The following EGFL7 variants were observed in gnomAD, a reference collection of about 807,000 sequenced individuals.
The protein encoded by EGFL7 is epidermal growth factor-like protein 7.
EGFL7 carries 48 observed loss-of-function variants against 37.1 expected under a neutral mutation model. The observed-to-expected ratio is 1.29, with a 90% CI of 1.03 to 1.65. The LOEUF (loss-of-function observed/expected upper bound fraction) is 1.65, where lower values mean the gene tolerates loss of function less well. Ranked by LOEUF, EGFL7 falls within the 40% of genes most tolerant of loss-of-function variation. The probability of loss-of-function intolerance (pLI) is 0.00; values close to 1 mark genes in which losing one functional copy is unlikely to be tolerated. For synonymous variants in EGFL7, 180 were observed against 156.8 expected (o/e 1.15, Z -1.10); for missense variants, 384 against 378.9 (o/e 1.01, Z -0.11).
intron 9 of EGFL7, 112 bp downstream of exon 9, chr9:136,671,126 G>A: frequency 1.3e-6 from 1 of 794,624 alleles, no homozygotes; most frequent in Non-Finnish European, 2.0e-6. Flanking sequence ...AGGAGGTGAG[G>A]CATCGGGGGG....
At chr9:136,662,641 C>G (rs905461079), upstream of EGFL7, among the ~76,000 whole-genome samples, 1 of 152,212 alleles carries the variant, frequency 6.6e-6, no homozygotes, top group Non-Finnish European at 1.5e-5. Context: ...TCCTCCACCC[C>G]ACACTCTCCC....
intron 4 of EGFL7, 57 bp from the exon 5 acceptor site, chr9:136,668,500 A>G (rs1289827666): frequency 2.5e-6 from 4 of 1,574,160 alleles, no homozygotes; most frequent in Non-Finnish European, 2.6e-6. Context: ...ACATGTTCCC[A>G]TCATTCTTGG....
intron 3 of EGFL7, among the ~76,000 whole-genome samples, chr9:136,665,245 G>T (rs571529926): frequency 2.9e-4 from 44 of 152,360 alleles, no homozygotes; most frequent in African/African-American, 1.0e-3. Context: ...GCAGGCCTGG[G>T]CTCTGCCATG....
At position 136,668,600 on chromosome 9, in the gene EGFL7, G is replaced by T. The variant is rs143961691; in HGVS notation, c.124G>T (p.Glu42Ter). 1.2e-6 allele frequency: 2 copies of T among 1,608,550 alleles called. No individual in the cohort carries two copies. The highest frequency in any genetic ancestry group is 1.7e-6 in the Non-Finnish European group (2 of 1,179,782). Residue 42 changes from glutamate to a stop codon, truncating the protein, a stop_gained, in exon 5 of 11, where the codon GAG becomes TAG. Transcript: ENST00000308874. LOFTEE classifies it high-confidence loss of function. ...AVRAHGDPVSESFVQRVYQPF... is the reference protein window; with the variant it reads ...AVRAHGDPVS ...CCGGGCTCACGGGGACCCTGTCTCC[G>T]AGTCGTTCGTGCAGCGTGTGTACCA...
At position 136,672,506 on chromosome 9, in the gene EGFL7, C is replaced by G. The variant is rs1845987345; in HGVS notation, c.*220C>G. On this transcript the variant is annotated 3_prime_UTR_variant, in exon 11 of 11. Transcript: ENST00000308874. ...CTGTGAATCCACCCCTGGCTACCCC[C>G]ACCCTGGCTACCCCAACGGCATCCC... 1 of 624,356 alleles carries G rather than the reference C, an allele frequency of 1.6e-6. No homozygotes were observed. Among genetic ancestry groups the G allele is most frequent in the Non-Finnish European group, 2.8e-6 (1 of 358,100 alleles). The allele number at this position is 624,356 out of a possible 1,614,324, so 38.7% of individuals were successfully genotyped here. A position where few individuals can be genotyped will look rare whatever the true frequency, so the allele number is the denominator to read the frequency against.
Position 136,666,112 on chromosome 9 carries a change from C to T in EGFL7, c.-43+1327C>T, listed in dbSNP as rs1343777973. On this transcript the variant is annotated intron_variant, in intron 3 of 10. Coordinates refer to ENST00000308874, the MANE Select transcript of EGFL7 (RefSeq NM_016215.5). This position sits in a 1 kb window ranked among gnomAD's most constrained non-coding sequence, Gnocchi z 6.8. Reference sequence around the variant, plus strand: ...GCGGGGAGGGCCGGGGTCGCCGCGGCCCCTCGTCCGACCCGGCGCGACTCA... The same window carrying T: ...GCGGGGAGGGCCGGGGTCGCCGCGGTCCCTCGTCCGACCCGGCGCGACTCA... 6.8e-6 allele frequency among the ~76,000 whole-genome samples: 1 copy of T among 147,768 alleles called. No individual in the cohort carries two copies. Among genetic ancestry groups the T allele is most frequent in the East Asian group, 2.0e-4 (1 of 5,110 alleles).
rs1845984407 is a variant in EGFL7 at position 136,672,458 on chromosome 9, C to CATGGG, written c.*178_*182dup. 1.3e-6 allele frequency: 1 copy of CATGGG among 763,148 alleles called. No individual in the cohort carries two copies. Among genetic ancestry groups the CATGGG allele is most frequent in the South Asian group, 1.7e-5 (1 of 59,968 alleles). 47.3% of individuals were successfully genotyped at this position (763,148 alleles called of 1,614,324 possible). ...CCTCGGGAGGCTCCCCAGACCCTGG[C>CATGGG]ATGGGATGGGCTGGGATCTTCTCTG... On this transcript the variant is annotated 3_prime_UTR_variant, in exon 11 of 11. Coordinates refer to ENST00000308874, the MANE Select transcript of EGFL7 (RefSeq NM_016215.5).
At position 136,669,973 on chromosome 9, in the gene EGFL7, T is replaced by C. The variant is rs369675442; in HGVS notation, c.373T>C (p.Cys125Arg). The C allele has an allele frequency of 2.6e-5, 42 of 1,603,632 alleles. No homozygotes were observed. In the African/African-American group the frequency reaches 5.2e-4, roughly 20 times the overall value. The change falls in exon 7 of 11, where the codon TGC (cysteine) becomes CGC (arginine). Residue 125 changes from cysteine to arginine, a missense_variant. Coordinates refer to ENST00000308874, the MANE Select transcript of EGFL7 (RefSeq NM_016215.5). ...GSCVQPGRCR[C>R]PAGWRGDTCQ... ...CTGTGTCCAGCCTGGCCGCTGCCGC[T>C]GCCCTGCAGGATGGCGGGGTGACAC...
At chr9:136,667,731 C>T (rs1437990448) in intron 3 of EGFL7, among the ~76,000 whole-genome samples, 1 of 152,230 alleles carries the variant, frequency 6.6e-6, no homozygotes, top group Non-Finnish European at 1.5e-5. Context: ...GCTGCTGGCC[C>T]ACCTGCTGGG....
In EGFL7 at chr9:136,671,922, A is replaced by G; in HGVS notation, c.637-4A>G. The G allele has an allele frequency of 6.7e-7, 1 of 1,499,942 alleles. No homozygotes were observed. 92.9% of individuals were successfully genotyped at this position (1,499,942 alleles called of 1,614,324 possible). On this transcript the variant is annotated splice_polypyrimidine_tract_variant and splice_region_variant and intron_variant, in intron 9 of 10. Transcript: ENST00000308874. ...CCAGGGTCACTGCCCTTCTGCACCC[A>G]CAGAAGCTGCAGCTGGTGCTGGCCC...
In EGFL7 at chr9:136,666,632, G is replaced by T. The variant is rs1389467512; in HGVS notation, c.-42-1609G>T. On this transcript the variant is annotated intron_variant, in intron 3 of 10. Transcript: ENST00000308874. The surrounding 1 kb of genome is among the most constrained non-coding windows in gnomAD (Gnocchi z 6.8). The stretch of plus-strand genomic sequence containing the variant: ...GGCGACTCTCAGGAATTGTGGGGGG[G>T]AGCTGTGCCAATATGTGTGGGGGGC... Among the ~76,000 whole-genome samples the T allele has an allele frequency of 6.6e-6, 1 of 151,910 alleles. No individual in the cohort carries two copies. The highest frequency in any genetic ancestry group is 1.5e-5 in the Non-Finnish European group (1 of 67,952).
intron 3 of EGFL7, among the ~76,000 whole-genome samples, chr9:136,665,415 C>G (rs1845394810): frequency 1.3e-5 from 2 of 152,226 alleles, no homozygotes; most frequent in Non-Finnish European, 2.9e-5. Context: ...TGGTTTTCAG[C>G]CTGGGGGGCT....
chr9:136,665,525 C>A (rs577701171), intron 3 of EGFL7, among the ~76,000 whole-genome samples: 1 of 152,282 alleles, frequency 6.6e-6, no homozygotes, highest in Non-Finnish European at 1.5e-5. Context: ...CCCCAGCGAC[C>A]GCGCAGCGAG....
At chr9:136,668,430 C>A (rs576625439) in intron 4 of EGFL7, 68 bp downstream of exon 4, 6 of 1,510,522 alleles carry the variant, frequency 4.0e-6, no homozygotes, top group Admixed American at 1.9e-5. Flanking sequence ...CTCCTAGAGG[C>A]GGCCCTCAGC....
chr9:136,661,220 G>T (rs1845125518), upstream of EGFL7, among the ~76,000 whole-genome samples: 1 of 152,178 alleles, frequency 6.6e-6, no homozygotes. Flanking sequence ...TGTCCTCCTG[G>T]CACTGGACTC....
At chr9:136,665,469 C>T (rs998692698) in intron 3 of EGFL7, among the ~76,000 whole-genome samples, 1 of 152,238 alleles carries the variant, frequency 6.6e-6, no homozygotes, top group Non-Finnish European at 1.5e-5. Flanking sequence ...TGTGGGCGCC[C>T]TGGGCGGCCT....
upstream of EGFL7, among the ~76,000 whole-genome samples, chr9:136,661,552 CCAGCT>C (rs779851276): frequency 6.6e-6 from 1 of 152,208 alleles, no homozygotes; most frequent in Non-Finnish European, 1.5e-5. Context: ...CCCCCTTAAA[CCAGCT>C]CAGTGACCAT....
intron 3 of EGFL7, among the ~76,000 whole-genome samples, chr9:136,667,338 C>T (rs1002197615): frequency 6.6e-6 from 1 of 152,238 alleles, no homozygotes; most frequent in African/African-American, 2.4e-5. Context: ...TTGGGAAGCA[C>T]CCGTGAGAGG....
chr9:136,669,963 C>G lies in EGFL7; in HGVS notation c.363C>G (p.Gly121=). The G allele has an allele frequency of 6.2e-7, 1 of 1,604,202 alleles. No individual in the cohort carries two copies. The highest frequency in any genetic ancestry group is 8.5e-7 in the Non-Finnish European group (1 of 1,175,292). Residue 121 remains glycine, a synonymous_variant, in exon 7 of 11, where the codon GGC becomes GGG. Coordinates refer to ENST00000308874, the MANE Select transcript of EGFL7 (RefSeq NM_016215.5). ...CRNGGSCVQP[G]RCRCPAGWRG... is the part of the protein sequence containing the mutation. ...ACGGAGGGAGCTGTGTCCAGCCTGG[C>G]CGCTGCCGCTGCCCTGCAGGATGGC...
Sources: allele counts gnomAD v4.1 joint callset (sites outside exome capture counted in the v4.1 genomes callset), GRCh38; gene constraint gnomAD v4.1.1; non-coding constraint Gnocchi (gnomAD v3.1); transcripts MANE v1.5; gene names NCBI Gene and HGNC (gene_info 2026-07-23, HGNC 2026-07-21).